The following ATR variants were observed in gnomAD, a reference collection of about 807,000 sequenced individuals.
ATR encodes the protein serine/threonine-protein kinase ATR.
In ATR, 142 loss-of-function variants were observed where a neutral mutation model predicts 305.3. The ratio of observed to expected loss-of-function variants is 0.47; its 90% CI spans 0.41 to 0.53. The LOEUF is 0.53. Among genes scored for constraint, ATR ranks in the 20% least tolerant of loss-of-function variants. The pLI, the probability that ATR is intolerant of heterozygous loss-of-function variation, is 0.00. For missense variants in ATR, 2,135 were observed against 3,133.1 expected, an observed-to-expected ratio of 0.68 and a Z score of 7.60; for synonymous variants, 1,050 against 1,068.1, an observed-to-expected ratio of 0.98 and a Z score of 0.33.
chr3:142,566,747 G>A (rs1305635726), intron 2 of ATR, among the ~76,000 whole-genome samples: 1 of 151,648 alleles, frequency 6.6e-6, no homozygotes, highest in Non-Finnish European at 1.5e-5. Context: ...AAACACTACA[G>A]TCTTTTTTTT....
chr3:142,465,051 A>T lies in ATR; in HGVS notation c.7041+46T>A, dbSNP rs186109207. 1.1e-3 allele frequency: 1,416 copies of T among 1,257,304 alleles called. 3 individuals carry two copies. The African/African-American group carries it at 0.012, about 10-fold the overall frequency. The allele number at this position is 1,257,304 out of a possible 1,614,324, so 77.9% of individuals were successfully genotyped here. On this transcript the variant is annotated intron_variant, in intron 41 of 46. Transcript: ENST00000350721. The stretch of plus-strand genomic sequence containing the variant: ...TTTTATAATAGTCAAAAATTTTTTT[A>T]AAATAAAAAATAAATAAATAAAATA...
intron 36 of ATR, among the ~76,000 whole-genome samples, chr3:142,473,534 C>T (rs1435427751): frequency 6.6e-6 from 1 of 151,354 alleles, no homozygotes; most frequent in Non-Finnish European, 1.5e-5. Context: ...AGTGTGATGC[C>T]TTCAGCTTTA....
chr3:142,505,691 T>A (rs1248518031), intron 28 of ATR, among the ~76,000 whole-genome samples: 1 of 152,212 alleles, frequency 6.6e-6, no homozygotes, highest in Non-Finnish European at 1.5e-5. Flanking sequence ...GTTATTGAGA[T>A]GACTTCAAGA....
At chr3:142,473,064 T>C (rs2071333249) in intron 36 of ATR, among the ~76,000 whole-genome samples, 1 of 152,198 alleles carries the variant, frequency 6.6e-6, no homozygotes. Flanking sequence ...TTCACTCTGT[T>C]GATTGTTTCC....
intron 7 of ATR, 30 bp from the exon 8 acceptor site, chr3:142,558,806 A>G (rs370555729): frequency 1.1e-4 from 168 of 1,573,964 alleles, no homozygotes; most frequent in Non-Finnish European, 1.4e-4. Context: ...GTCATTAATT[A>G]TAACTTTTCC....
chr3:142,545,315 A>C (rs1559981563), intron 16 of ATR, among the ~76,000 whole-genome samples: 1 of 152,074 alleles, frequency 6.6e-6, no homozygotes, highest in Non-Finnish European at 1.5e-5. Flanking sequence ...GAGACAGGGT[A>C]CTCAGGAAAC....
intron 27 of ATR, among the ~76,000 whole-genome samples, chr3:142,508,839 G>GCGTGAA (rs1446960754): frequency 1.2e-4 from 18 of 151,218 alleles, no homozygotes; most frequent in African/African-American, 4.1e-4. Flanking sequence ...CAGGAGAATG[G>GCGTGAA]CGTGAACCTG....
chr3:142,480,867 G>GGCATGGGACCTTCAGAGCCAT (rs1199578703), intron 36 of ATR, among the ~76,000 whole-genome samples: 3 of 152,206 alleles, frequency 2.0e-5, no homozygotes, highest in East Asian at 1.9e-4. Flanking sequence ...AGGCTCCGTG[G>GGCATGGGACCTTCAGAGCCAT]GCATGGGACC....
chr3:142,578,589 A>C, intron 1 of ATR, 57 bp downstream of exon 1: 1 of 1,572,162 alleles, frequency 6.4e-7, no homozygotes, highest in Non-Finnish European at 8.7e-7. Context: ...GAGCACGTGA[A>C]ACCCAAGCCG....
At chr3:142,469,941 T>G (rs562848474) in intron 37 of ATR, 145 bp downstream of exon 37, 1 of 657,892 alleles carries the variant, frequency 1.5e-6, no homozygotes, top group East Asian at 2.7e-5. Flanking sequence ...CTTTTTAACA[T>G]TTAGTATCTT....
At chr3:142,456,455 C>T (rs1254869781) in intron 45 of ATR, among the ~76,000 whole-genome samples, 1 of 151,976 alleles carries the variant, frequency 6.6e-6, no homozygotes, top group African/African-American at 2.4e-5. Flanking sequence ...ACATGCTGTC[C>T]CAGCTACTTA....
intron 29 of ATR, 34 bp from the exon 30 acceptor site, chr3:142,503,487 T>G: frequency 7.2e-7 from 1 of 1,387,640 alleles, no homozygotes; most frequent in African/African-American, 1.4e-5. Context: ...ATAGCAATTA[T>G]CACTTCAATA....
chr3:142,558,628 G>A lies in ATR; in HGVS notation c.1881C>T (p.Ser627=). ...CACATTCTTGTGAGCACTTACAATAGCTATCTGAAATCCTACAGCTTAATG... is the reference window on the plus strand; with the variant it reads ...CACATTCTTGTGAGCACTTACAATAACTATCTGAAATCCTACAGCTTAATG... The part of the protein sequence containing the change: ...LLTLSCRISD[S]YSPQAQSRCV... Residue 627 remains serine, a synonymous_variant, in exon 8 of 47, where the codon AGC becomes AGT. Transcript: ENST00000350721. The A allele has an allele frequency of 6.2e-7, 1 of 1,611,352 alleles. No homozygotes were observed. The highest frequency in any genetic ancestry group is 8.5e-7 in the Non-Finnish European group (1 of 1,178,432).
At chr3:142,501,811 C>A (rs141857865) in intron 30 of ATR, among the ~76,000 whole-genome samples, 180 of 152,320 alleles carry the variant, frequency 1.2e-3, no homozygotes, top group African/African-American at 4.1e-3. Flanking sequence ...GTGGTGCAAT[C>A]TCAGCTCACT....
chr3:142,478,565 T>C lies in ATR; in HGVS notation c.6221+6575A>G, dbSNP rs538830382. On this transcript the variant is annotated intron_variant, in intron 36 of 46. Transcript: ENST00000350721. ...GTGGTGCTGAGAAGAATGTATATTC[T>C]GTTGATTTGGGGTGGAGAGTTCTGT... Among the ~76,000 whole-genome samples the C allele has an allele frequency of 3.3e-5, 5 of 152,360 alleles. No homozygotes were observed. The South Asian group carries it at 1.0e-3, about 32-fold the overall frequency.
At chr3:142,464,495 GATAA>G (rs1315946171) in intron 41 of ATR, among the ~76,000 whole-genome samples, 1 of 152,068 alleles carries the variant, frequency 6.6e-6, no homozygotes, top group Non-Finnish European at 1.5e-5. Context: ...TCCATCACTG[GATAA>G]ATAGATAAAT....
Position 142,559,306 on chromosome 3 carries a change from C to T in ATR, c.1677G>A (p.Leu559=), listed in dbSNP as rs2108479705. ...TCACCACCTTATCAATGGTTGCCTC[C>T]AGGTCCAGTTTCTGAACAGATTCTA... ...SLLESVQKLD[L]EATIDKVVKI... is the part of the protein sequence containing the mutation. The change falls in exon 7 of 47, where the codon CTG becomes CTA. Residue 559 remains leucine, a synonymous_variant. Transcript: ENST00000350721. 1 of 1,614,012 alleles carries T rather than the reference C, an allele frequency of 6.2e-7. No homozygotes were observed.
At chr3:142,520,805 G>A (rs2033116939) in intron 23 of ATR, among the ~76,000 whole-genome samples, 2 of 152,208 alleles carry the variant, frequency 1.3e-5, no homozygotes, top group South Asian at 4.1e-4. Flanking sequence ...ACATAAAAGT[G>A]TAAGGTGAAG....
At chr3:142,544,452 C>CAA (rs57120276) in intron 16 of ATR, among the ~76,000 whole-genome samples, 225 of 18,980 alleles carry the variant, frequency 0.012, 31 homozygotes, top group African/African-American at 0.03. Flanking sequence ...ATCCTGCCTC[C>CAA]AAAAAAAAAA....
Sources: gnomAD v4.1 joint callset for allele counts (sites outside exome capture counted in the v4.1 genomes callset) on GRCh38, gnomAD v4.1.1 for gene constraint, MANE v1.5 for transcripts, NCBI Gene and HGNC (gene_info 2026-07-23, HGNC 2026-07-21) for gene names.